Variants in RASSF2 observed in about 807,000 individuals in gnomAD.
RASSF2 encodes the protein Ras association domain family member 2.
Under a neutral mutation model 46.3 loss-of-function variants are expected in RASSF2, and 34 were observed. The ratio of observed to expected loss-of-function variants is 0.73; its 90% CI spans 0.56 to 0.98. RASSF2 has a LOEUF of 0.98. Ranked by LOEUF, RASSF2 falls within the 50% of genes least tolerant of loss-of-function variation. The pLI, the probability that RASSF2 is intolerant of heterozygous loss-of-function variation, is 0.00. For synonymous variants in RASSF2, 158 were observed against 162.5 expected, an observed-to-expected ratio of 0.97 and a Z score of 0.21; for missense variants, 364 against 431.2, an observed-to-expected ratio of 0.84 and a Z score of 1.38.
At chr20:4,814,006 T>C (rs1928071271) in intron 2 of RASSF2, among the ~76,000 whole-genome samples, 1 of 150,504 alleles carries the variant, frequency 6.6e-6, no homozygotes, top group Admixed American at 6.6e-5. Context: ...AAGGGGAGAG[T>C]GGAAAGTTGG....
At chr20:4,794,389 T>C (rs1926158733) in intron 5 of RASSF2, among the ~76,000 whole-genome samples, 2 of 152,050 alleles carry the variant, frequency 1.3e-5, no homozygotes, top group South Asian at 4.1e-4. Flanking sequence ...GCCAACATGA[T>C]GAAACCCCCT....
At chr20:4,819,933 A>G (rs1928582652) in intron 2 of RASSF2, among the ~76,000 whole-genome samples, 2 of 152,240 alleles carry the variant, frequency 1.3e-5, no homozygotes, top group South Asian at 4.1e-4. Context: ...TGCCTTGAGC[A>G]GCAGCAGTTC....
At chr20:4,811,044 TAG>T (rs1927749457) in intron 2 of RASSF2, among the ~76,000 whole-genome samples, 1 of 151,832 alleles carries the variant, frequency 6.6e-6, no homozygotes, top group Non-Finnish European at 1.5e-5. Context: ...AGGGAGTGGG[TAG>T]AGAGAGGGGT....
Position 4,781,513 on chromosome 20 carries a change from T to A in RASSF2, c.*2760A>T, listed in dbSNP as rs1311866213. 6.6e-6 allele frequency: 1 copy of A among 152,186 alleles called. No homozygotes were observed. The highest frequency in any genetic ancestry group is 2.4e-5 in the African/African-American group (1 of 41,420). 9.4% of individuals were successfully genotyped at this position (152,186 alleles called of 1,614,324 possible). On this transcript the variant is annotated 3_prime_UTR_variant, in exon 12 of 12. Coordinates refer to ENST00000379400, the MANE Select transcript of RASSF2 (RefSeq NM_014737.3). ...TCACCAATACGTACAGGGAAGACTA[T>A]CTTTTGTGCTTTTCAGCCTCTCCCC...
At chr20:4,807,168 A>T (rs1347348705) in intron 2 of RASSF2, among the ~76,000 whole-genome samples, 3 of 152,208 alleles carry the variant, frequency 2.0e-5, no homozygotes, top group Non-Finnish European at 4.4e-5. Context: ...TTAAAATATC[A>T]CTAGAGAATT....
At chr20:4,793,812 T>A (rs912904034) in intron 5 of RASSF2, among the ~76,000 whole-genome samples, 1 of 152,124 alleles carries the variant, frequency 6.6e-6, no homozygotes, top group Non-Finnish European at 1.5e-5. Context: ...AGTCTAGGCA[T>A]TCACTGTATT....
rs185802836 is a variant in RASSF2 at position 4,819,152 on chromosome 20, G to A, written c.-33+3177C>T. Among the ~76,000 whole-genome samples the A allele has an allele frequency of 4.0e-3, 605 of 152,054 alleles. 7 individuals carry two copies. The highest frequency in any genetic ancestry group is 0.014 in the African/African-American group (563 of 41,468). ...TAATTTTCGTATTTTCAGTAGAGAC[G>A]GGGTTTCACCATGTTGGTCAGGCTG... On this transcript the variant is annotated intron_variant, in intron 2 of 11. Transcript: ENST00000379400.
chr20:4,799,976 G>A (rs1362783642), intron 3 of RASSF2, among the ~76,000 whole-genome samples: 2 of 152,216 alleles, frequency 1.3e-5, no homozygotes, highest in Non-Finnish European at 2.9e-5. Context: ...GCTGGGTGTG[G>A]TGGCGCATGC....
intron 11 of RASSF2, among the ~76,000 whole-genome samples, chr20:4,785,599 G>T (rs1226552434): frequency 6.6e-6 from 1 of 152,194 alleles, no homozygotes; most frequent in Non-Finnish European, 1.5e-5. Context: ...GAAGATAAAT[G>T]TTACAAAGGG....
Position 4,784,044 on chromosome 20 carries a change from A to G in RASSF2, c.*229T>C, listed in dbSNP as rs1925064108. Reference sequence around the variant, plus strand: ...CACACACACATTTTGGGTCCTCCTTATAACTAAAATCAAAAGTCCTTGTGA... The same window carrying G: ...CACACACACATTTTGGGTCCTCCTTGTAACTAAAATCAAAAGTCCTTGTGA... On this transcript the variant is annotated 3_prime_UTR_variant, in exon 12 of 12. Coordinates refer to ENST00000379400, the MANE Select transcript of RASSF2 (RefSeq NM_014737.3). 3 of 570,676 alleles carry G rather than the reference A, an allele frequency of 5.3e-6. No homozygotes were observed. The highest frequency in any genetic ancestry group is 9.4e-6 in the Non-Finnish European group (3 of 317,734). 35.4% of individuals were successfully genotyped at this position (570,676 alleles called of 1,614,324 possible).
intron 2 of RASSF2, chr20:4,815,262 C>G (rs554436441): frequency 6.6e-6 from 1 of 152,566 alleles, no homozygotes; most frequent in South Asian, 2.1e-4. Flanking sequence ...GCCTCAGCAG[C>G]CCCCCAACTA....
intron 2 of RASSF2, among the ~76,000 whole-genome samples, chr20:4,804,285 T>C (rs1927150821): frequency 6.7e-6 from 1 of 148,152 alleles, no homozygotes. Flanking sequence ...AATCTGATCA[T>C]GAAAACCGGA....
At chr20:4,811,292 A>C (rs1927786855) in intron 2 of RASSF2, among the ~76,000 whole-genome samples, 1 of 152,166 alleles carries the variant, frequency 6.6e-6, no homozygotes, top group South Asian at 2.1e-4. Context: ...TCGAGGTTGC[A>C]GTGCGCTATG....
At chr20:4,789,141 A>C (rs1416807065) in intron 8 of RASSF2, among the ~76,000 whole-genome samples, 1 of 152,142 alleles carries the variant, frequency 6.6e-6, no homozygotes, top group East Asian at 1.9e-4. Context: ...CCTGCACTAT[A>C]ATTTGCACGT....
intron 3 of RASSF2, among the ~76,000 whole-genome samples, chr20:4,799,787 A>G (rs1167969580): frequency 6.6e-6 from 1 of 152,262 alleles, no homozygotes; most frequent in African/African-American, 2.4e-5. Flanking sequence ...CCAACAATTT[A>G]GTCCCAGATA....
rs542667279 is a variant in RASSF2, at chr20:4,795,528, T to C, written c.287+287A>G. 3 of 304,210 alleles carry C rather than the reference T, an allele frequency of 9.9e-6. No individual in the cohort carries two copies. The highest frequency in any genetic ancestry group is 1.3e-4 in the South Asian group (2 of 15,550). The allele number at this position is 304,210 out of a possible 1,614,324, so 18.8% of individuals were successfully genotyped here. A position where few individuals can be genotyped will look rare whatever the true frequency, so the allele number is the denominator to read the frequency against. ...ACTAGCAGCTCCACTCAGAGACTCCTGAGTTCTCCCTAAGGGAGGACTCTG... is the reference window on the plus strand; with the variant it reads ...ACTAGCAGCTCCACTCAGAGACTCCCGAGTTCTCCCTAAGGGAGGACTCTG... On this transcript the variant is annotated intron_variant, in intron 5 of 11. Transcript: ENST00000379400. The surrounding 1 kb of genome is among the most constrained non-coding windows in gnomAD (Gnocchi z 4.0).
intron 2 of RASSF2, among the ~76,000 whole-genome samples, chr20:4,818,700 A>G (rs78393276): frequency 0.019 from 2,834 of 152,316 alleles, 69 homozygotes; most frequent in African/African-American, 0.06. Flanking sequence ...ACCTAGGAAT[A>G]CAAACCATGT....
chr20:4,820,225 C>G (rs913879615), intron 2 of RASSF2, among the ~76,000 whole-genome samples: 4 of 152,172 alleles, frequency 2.6e-5, no homozygotes, highest in African/African-American at 9.7e-5. Flanking sequence ...TTCTTCTGGG[C>G]CAGGCACAGT....
At chr20:4,798,356 G>A (rs191786038) in intron 3 of RASSF2, among the ~76,000 whole-genome samples, 18 of 152,240 alleles carry the variant, frequency 1.2e-4, no homozygotes, top group Non-Finnish European at 1.9e-4. Context: ...GGCAGGCCTC[G>A]TCTACCGACA....
Sources: allele counts gnomAD v4.1 joint callset (sites outside exome capture counted in the v4.1 genomes callset), GRCh38; gene constraint gnomAD v4.1.1; non-coding constraint Gnocchi (gnomAD v3.1); transcripts MANE v1.5; gene names NCBI Gene and HGNC (gene_info 2026-07-23, HGNC 2026-07-21).